Variants in HAAO observed in about 807,000 individuals in gnomAD.
The protein encoded by HAAO is 3-hydroxyanthranilate oxygenase.
In HAAO, 49 loss-of-function variants were observed where a neutral mutation model predicts 46.2. The ratio of observed to expected loss-of-function variants is 1.06; its 90% CI spans 0.84 to 1.34. HAAO has a LOEUF of 1.34. Among genes scored for constraint, HAAO ranks in the 40% most tolerant of loss-of-function variants. The pLI, the probability that HAAO is intolerant of heterozygous loss-of-function variation, is 0.00. For missense variants in HAAO, 408 were observed against 364.5 expected, an observed-to-expected ratio of 1.12 and a Z score of -0.97; for synonymous variants, 157 against 145.2, an observed-to-expected ratio of 1.08 and a Z score of -0.58.
chr2:42,768,331 T>C (rs1670827977), intron 7 of HAAO, among the ~76,000 whole-genome samples: 1 of 152,258 alleles, frequency 6.6e-6, no homozygotes, highest in African/African-American at 2.4e-5. Context: ...AAGGTGAGGC[T>C]GAGGGCTCTC....
intron 2 of HAAO, among the ~76,000 whole-genome samples, chr2:42,787,105 C>T (rs1672446123): frequency 6.6e-6 from 1 of 152,192 alleles, no homozygotes; most frequent in Admixed American, 6.5e-5. Context: ...TCCCAGACAC[C>T]TGGGCGTCCC....
At chr2:42,776,620 C>T (rs115097997) in intron 4 of HAAO, among the ~76,000 whole-genome samples, 1,698 of 151,292 alleles carry the variant, frequency 0.011, 35 homozygotes, top group African/African-American at 0.039. Flanking sequence ...TGATTTTTCA[C>T]CTGAGTTGTT....
chr2:42,773,761 T>C (rs553208500), intron 4 of HAAO, among the ~76,000 whole-genome samples: 1 of 152,108 alleles, frequency 6.6e-6, no homozygotes, highest in Non-Finnish European at 1.5e-5. Flanking sequence ...TAATTTTTTG[T>C]ATTTTTAGTA....
intron 4 of HAAO, among the ~76,000 whole-genome samples, chr2:42,780,523 G>A (rs28854907): frequency 0.38 from 57,024 of 151,610 alleles, 11,803 homozygotes; most frequent in African/African-American, 0.52. Flanking sequence ...GTGTTCTTAA[G>A]TGCAGGTTTC....
At chr2:42,769,666 C>T in intron 7 of HAAO, 47 bp downstream of exon 7, 1 of 1,547,062 alleles carries the variant, frequency 6.5e-7, no homozygotes, top group Non-Finnish European at 8.7e-7. Flanking sequence ...TCCCATTTTC[C>T]AGGGCTGCTG....
chr2:42,777,844 A>G (rs377662325), intron 4 of HAAO, among the ~76,000 whole-genome samples: 5 of 152,082 alleles, frequency 3.3e-5, no homozygotes, highest in African/African-American at 1.2e-4. Context: ...AAAAAAGTGA[A>G]CCATTTTATC....
intron 2 of HAAO, among the ~76,000 whole-genome samples, chr2:42,788,157 G>C (rs970561973): frequency 6.6e-6 from 1 of 152,212 alleles, no homozygotes; most frequent in African/African-American, 2.4e-5. Context: ...TGCGGGGGAG[G>C]ATCTCATTTT....
intron 1 of HAAO, 45 bp downstream of exon 1, chr2:42,792,412 G>GGA: frequency 9.0e-7 from 1 of 1,107,988 alleles, no homozygotes; most frequent in Non-Finnish European, 1.3e-6. Context: ...TGGAGGAGGG[G>GGA]GAGGAGGCGA....
intron 8 of HAAO, 83 bp from the exon 9 acceptor site, chr2:42,767,760 A>C (rs574314302): frequency 6.5e-7 from 1 of 1,532,644 alleles, no homozygotes; most frequent in Non-Finnish European, 9.0e-7. Flanking sequence ...CTGGGCCCCA[A>C]GGCCCCAAGA....
intron 4 of HAAO, among the ~76,000 whole-genome samples, chr2:42,772,598 A>C (rs1011032291): frequency 6.6e-6 from 1 of 152,058 alleles, no homozygotes; most frequent in Non-Finnish European, 1.5e-5. Context: ...GTGACAGGAC[A>C]ATTTTTTTTG....
At chr2:42,791,342 G>T (rs1204558702) in intron 1 of HAAO, among the ~76,000 whole-genome samples, 2 of 152,182 alleles carry the variant, frequency 1.3e-5, no homozygotes, top group Non-Finnish European at 2.9e-5. Context: ...CGAGACCTCA[G>T]GGGGAGCGAA....
chr2:42,782,630 C>T (rs1323337086), intron 4 of HAAO, among the ~76,000 whole-genome samples: 1 of 152,224 alleles, frequency 6.6e-6, no homozygotes, highest in Non-Finnish European at 1.5e-5. Flanking sequence ...AAGGTAGGAA[C>T]TGCTTAGGGC....
At chr2:42,792,364 G>T in intron 1 of HAAO, 93 bp downstream of exon 1, 1 of 659,948 alleles carries the variant, frequency 1.5e-6, no homozygotes. Flanking sequence ...GCAAGCTTCT[G>T]GGTCCAGGAA....
intron 4 of HAAO, among the ~76,000 whole-genome samples, chr2:42,777,321 A>AG: frequency 6.7e-6 from 1 of 149,942 alleles, no homozygotes; most frequent in Admixed American, 6.7e-5. Flanking sequence ...AAAAAAAAAA[A>AG]AAGAAGAAAG....
intron 4 of HAAO, among the ~76,000 whole-genome samples, chr2:42,771,414 A>G (rs1279892531): frequency 6.6e-6 from 1 of 150,840 alleles, no homozygotes; most frequent in Non-Finnish European, 1.5e-5. Context: ...GTGACAGAAC[A>G]AGACTCTGTC....
chr2:42,784,013 G>A, intron 2 of HAAO, 146 bp from the exon 3 acceptor site: 1 of 1,437,922 alleles, frequency 7.0e-7, no homozygotes. Flanking sequence ...CTTCTGTCCT[G>A]AGGCCTGTCT....
At chr2:42,778,378 G>A (rs1011618631) in intron 4 of HAAO, among the ~76,000 whole-genome samples, 1 of 152,006 alleles carries the variant, frequency 6.6e-6, no homozygotes, top group African/African-American at 2.4e-5. Context: ...GCCTGGGCTG[G>A]AGCACAGTGG....
intron 2 of HAAO, among the ~76,000 whole-genome samples, chr2:42,784,094 T>C (rs894417050): frequency 1.3e-5 from 2 of 152,024 alleles, no homozygotes; most frequent in African/African-American, 4.8e-5. Context: ...ATGACCAGAG[T>C]ACCCAGGATG....
At chr2:42,778,151 T>A (rs890757872) in intron 4 of HAAO, among the ~76,000 whole-genome samples, 4 of 152,180 alleles carry the variant, frequency 2.6e-5, no homozygotes, top group African/African-American at 9.6e-5. Context: ...AAAACTTTTA[T>A]ATGATCAAGT....
Sources: gnomAD v4.1 joint callset for allele counts (sites outside exome capture counted in the v4.1 genomes callset) on GRCh38, gnomAD v4.1.1 for gene constraint, MANE v1.5 for transcripts, NCBI Gene and HGNC (gene_info 2026-07-23, HGNC 2026-07-21) for gene names.